RYR2: variants seen among roughly 807,000 people sequenced by gnomAD.
RYR2 encodes the protein cardiac muscle ryanodine receptor-calcium release channel.
Under a neutral mutation model 601.1 loss-of-function variants are expected in RYR2, and 227 were observed. The ratio of observed to expected loss-of-function variants is 0.38; its 90% confidence interval spans 0.34 to 0.42. The LOEUF is 0.42. Among genes scored for constraint, RYR2 ranks in the 10% least tolerant of loss-of-function variants. The pLI is 1.00. For synonymous variants in RYR2, 2,223 were observed against 2,175.1 expected, an observed-to-expected ratio of 1.02 and a Z score of -0.61; for missense variants, 4,646 against 6,156.5, an observed-to-expected ratio of 0.75 and a Z score of 8.21.
At chr1:237,671,146 C>T (rs1463374727) in intron 58 of RYR2, among the ~76,000 whole-genome samples, 1 of 152,118 alleles carries the variant, frequency 6.6e-6, no homozygotes, top group Non-Finnish European at 1.5e-5. Context: ...CTTTAATTCT[C>T]TTACTGCATG....
chr1:237,787,686 AT>A (rs1257184669), intron 91 of RYR2, among the ~76,000 whole-genome samples: 1 of 151,470 alleles, frequency 6.6e-6, no homozygotes, highest in Non-Finnish European at 1.5e-5. Flanking sequence ...ATCATTCTTC[AT>A]TTTTTTAATG....
intron 3 of RYR2, among the ~76,000 whole-genome samples, chr1:237,351,772 A>G (rs1698860709): frequency 6.6e-6 from 1 of 150,422 alleles, no homozygotes; most frequent in Non-Finnish European, 1.5e-5. Flanking sequence ...AATAATACCA[A>G]TCTTAAACTC....
chr1:237,308,390 C>T (rs1694114632), intron 2 of RYR2, among the ~76,000 whole-genome samples: 2 of 152,174 alleles, frequency 1.3e-5, no homozygotes, highest in African/African-American at 4.8e-5. Flanking sequence ...CACCACTGTA[C>T]GTTCTTAATA....
intron 1 of RYR2, among the ~76,000 whole-genome samples, chr1:237,251,138 T>C (rs1687425658): frequency 6.6e-6 from 1 of 151,928 alleles, no homozygotes; most frequent in South Asian, 2.1e-4. Context: ...GATCTTTCCT[T>C]TCCATAGTGC....
chr1:237,515,148 C>T (rs961448087), intron 24 of RYR2, among the ~76,000 whole-genome samples: 12 of 152,142 alleles, frequency 7.9e-5, no homozygotes, highest in African/African-American at 2.2e-4. Context: ...AATTGTGACA[C>T]TCTCAGAACA....
At chr1:237,370,630 A>G (rs1700558284) in intron 6 of RYR2, among the ~76,000 whole-genome samples, 1 of 151,676 alleles carries the variant, frequency 6.6e-6, no homozygotes, top group African/African-American at 2.4e-5. Context: ...TGTATATAAA[A>G]TATGTTAAAA....
chr1:237,724,600 G>A (rs1172373056), intron 74 of RYR2, among the ~76,000 whole-genome samples: 12 of 151,634 alleles, frequency 7.9e-5, no homozygotes, highest in South Asian at 2.1e-4. Context: ...AATAACTTAC[G>A]TAATATTTTC....
At chr1:237,264,218 C>T (rs778468595) in intron 1 of RYR2, among the ~76,000 whole-genome samples, 6 of 152,108 alleles carry the variant, frequency 3.9e-5, no homozygotes, top group Non-Finnish European at 7.4e-5. Flanking sequence ...AAGCTTTGGG[C>T]TTTCTCTGTC....
chr1:237,820,843 G>A (rs913270855), intron 101 of RYR2, among the ~76,000 whole-genome samples: 1 of 151,992 alleles, frequency 6.6e-6, no homozygotes, highest in South Asian at 2.1e-4. Context: ...TGGAGGGAGG[G>A]CATCTGCCAT....
intron 1 of RYR2, among the ~76,000 whole-genome samples, chr1:237,102,288 G>C (rs918045452): frequency 1.3e-5 from 2 of 152,156 alleles, no homozygotes; most frequent in Non-Finnish European, 2.9e-5. Flanking sequence ...TACAGGCGAG[G>C]TGCTGGTGAG....
chr1:237,723,900 C>G (rs1029327029), intron 74 of RYR2, among the ~76,000 whole-genome samples: 1 of 151,922 alleles, frequency 6.6e-6, no homozygotes, highest in Admixed American at 6.6e-5. Flanking sequence ...AACAAGAATA[C>G]TTGAAACATT....
At chr1:237,525,149 A>G (rs1370823042) in intron 24 of RYR2, among the ~76,000 whole-genome samples, 1 of 152,122 alleles carries the variant, frequency 6.6e-6, no homozygotes, top group South Asian at 2.1e-4. Context: ...AGTCCCTACT[A>G]TCTATTATTT....
chr1:237,099,636 C>T (rs1667862851), intron 1 of RYR2, among the ~76,000 whole-genome samples: 1 of 152,224 alleles, frequency 6.6e-6, no homozygotes, highest in South Asian at 2.1e-4. Context: ...AAAAATCCTA[C>T]ACTGTACTAG....
intron 62 of RYR2, among the ~76,000 whole-genome samples, chr1:237,684,581 T>G (rs141405342): frequency 8.5e-5 from 13 of 152,246 alleles, no homozygotes; most frequent in African/African-American, 3.1e-4. Context: ...GTTGGTATCA[T>G]GAATAGAAAC....
chr1:237,168,880 T>C (rs371370825), intron 1 of RYR2, among the ~76,000 whole-genome samples: 1 of 152,208 alleles, frequency 6.6e-6, no homozygotes, highest in South Asian at 2.1e-4. Flanking sequence ...TATCCGAGTC[T>C]TTCCTCCCCA....
intron 51 of RYR2, 91 bp downstream of exon 51, chr1:237,651,592 G>A: frequency 2.4e-6 from 2 of 820,826 alleles, no homozygotes; most frequent in Non-Finnish European, 3.9e-6. Flanking sequence ...GATACATCAT[G>A]CTTGACGCTG....
chr1:237,059,214 A>G (rs1212675286), intron 1 of RYR2, among the ~76,000 whole-genome samples: 1 of 152,096 alleles, frequency 6.6e-6, no homozygotes, highest in East Asian at 1.9e-4. Context: ...GCTGTGTATA[A>G]CTCAGATGCC....
chr1:237,722,706 T>TA (rs1689848566), intron 73 of RYR2, among the ~76,000 whole-genome samples: 1 of 152,238 alleles, frequency 6.6e-6, no homozygotes, highest in African/African-American at 2.4e-5. Flanking sequence ...GTGCTGGGAT[T>TA]ACAGGCGTGA....
At chr1:237,139,340 G>A (rs933319135) in intron 1 of RYR2, among the ~76,000 whole-genome samples, 4 of 152,216 alleles carry the variant, frequency 2.6e-5, no homozygotes. Context: ...AATCTATAAA[G>A]GCAGAAAGTA....
Sources: gnomAD v4.1 joint callset for allele counts (sites outside exome capture counted in the v4.1 genomes callset) on GRCh38, gnomAD v4.1.1 for gene constraint, MANE v1.5 for transcripts, NCBI Gene and HGNC (gene_info 2026-07-23, HGNC 2026-07-21) for gene names.